The following MYLK variants were observed in gnomAD, a reference collection of about 807,000 sequenced individuals.
MYLK encodes the protein myosin light chain kinase, smooth muscle.
In MYLK, 106 loss-of-function variants were observed where a neutral mutation model predicts 203.4. The observed-to-expected ratio is 0.52, with a 90% CI of 0.45 to 0.61. The LOEUF (loss-of-function observed/expected upper bound fraction) is 0.61, where lower values mean the gene tolerates loss of function less well. MYLK is among the 20% of genes least tolerant of loss of function. The pLI is 0.00. For missense variants in MYLK, 2,072 were observed against 2,442.3 expected (o/e 0.85, Z 3.20); for synonymous variants, 867 against 959.5 (o/e 0.90, Z 1.78).
intron 19 of MYLK, chr3:123,692,368 C>T: frequency 1.7e-6 from 2 of 1,176,918 alleles, no homozygotes; most frequent in Non-Finnish European, 2.1e-6. Context: ...CCAGCTCGGA[C>T]ACTTGTTTGT....
chr3:123,833,979 TC>T (rs1432239239), intron 2 of MYLK, among the ~76,000 whole-genome samples: 1 of 152,182 alleles, frequency 6.6e-6, no homozygotes. Flanking sequence ...AATGGACAAT[TC>T]TACCAATAGG....
Position 123,700,664 on chromosome 3 carries a change from G to A in MYLK, c.2804C>T (p.Pro935Leu), listed in dbSNP as rs1359230351. Residue 935 changes from proline (P) to leucine (L), a missense_variant, in exon 18 of 34, where the codon CCA becomes CTA. By Grantham distance (98) the Pro-to-Leu change is moderately conservative. This residue lies in a region of MYLK where 865 missense variants were observed against 1,016.0 expected (regional missense o/e 0.85). Coordinates refer to ENST00000360304, the MANE Select transcript of MYLK (RefSeq NM_053025.4). ...CCTCTCTTCCTCAGACACAGTCTTT[G>A]GCTTCACTTGCCGCTGCAGGTTGGC... ...FRANLQRQVK[P>L]KTVSEEERKV... 6.8e-6 allele frequency: 11 copies of A among 1,614,130 alleles called. No individual in the cohort carries two copies. The highest frequency in any genetic ancestry group is 8.5e-6 in the Non-Finnish European group (10 of 1,180,038).
chr3:123,701,075 G>A lies in MYLK; in HGVS notation c.2463-70C>T. ...GGCTGGGTAAGAAAGAAACTTCAGGGGAGAGCAAATCCCTGAGGGTGGGAG... is the reference window on the plus strand; with the variant it reads ...GGCTGGGTAAGAAAGAAACTTCAGGAGAGAGCAAATCCCTGAGGGTGGGAG... On this transcript the variant is annotated intron_variant, in intron 17 of 33. Coordinates refer to ENST00000360304, the MANE Select transcript of MYLK (RefSeq NM_053025.4). The A allele has an allele frequency of 2.5e-6, 4 of 1,575,180 alleles. No individual in the cohort carries two copies. In the South Asian group the frequency reaches 4.5e-5, roughly 18 times the overall value.
Position 123,699,921 on chromosome 3 carries a change from T to G in MYLK, c.3448+99A>C. ...TGCTAAACCAGGTTAGCAGCCTACC[T>G]ATGGGCTGCTAACAGGGGTCAGCGA... is the stretch of plus-strand genomic sequence containing the variant. On this transcript the variant is annotated intron_variant, in intron 18 of 33. Transcript: ENST00000360304. 9 of 1,517,394 alleles carry G rather than the reference T, an allele frequency of 5.9e-6. 1 individual carries two copies. The South Asian group carries it at 1.0e-4, about 18-fold the overall frequency. The allele number at this position is 1,517,394 out of a possible 1,614,324, so 94.0% of individuals were successfully genotyped here. A position where few individuals can be genotyped will look rare whatever the true frequency, so the allele number is the denominator to read the frequency against.
At chr3:123,827,953 A>C (rs961911210) in intron 3 of MYLK, among the ~76,000 whole-genome samples, 1 of 151,716 alleles carries the variant, frequency 6.6e-6, no homozygotes, top group Non-Finnish European at 1.5e-5. Context: ...CCTCTACAAG[A>C]AAAACTACAA....
chr3:123,840,864 T>C (rs2066575231), intron 2 of MYLK, among the ~76,000 whole-genome samples: 1 of 152,054 alleles, frequency 6.6e-6, no homozygotes, highest in African/African-American at 2.4e-5. Flanking sequence ...CATTCATGGT[T>C]CTGGGCAACT....
intron 3 of MYLK, among the ~76,000 whole-genome samples, chr3:123,794,862 C>T (rs911826735): frequency 2.0e-5 from 3 of 152,116 alleles, no homozygotes; most frequent in African/African-American, 7.2e-5. Flanking sequence ...GTATCAAGCA[C>T]TTTTTATATT....
chr3:123,749,789 C>T (rs1002794345), intron 5 of MYLK, among the ~76,000 whole-genome samples: 1 of 152,176 alleles, frequency 6.6e-6, no homozygotes, highest in Non-Finnish European at 1.5e-5. Context: ...GTTAATTTCT[C>T]CATAGTTAGA....
At chr3:123,736,505 G>A (rs1466844125) in intron 8 of MYLK, among the ~76,000 whole-genome samples, 3 of 152,108 alleles carry the variant, frequency 2.0e-5, no homozygotes, top group Admixed American at 6.5e-5. Context: ...TCCTCAGCCC[G>A]GACTTGAGGA....
intron 3 of MYLK, among the ~76,000 whole-genome samples, chr3:123,795,804 T>C (rs1307115540): frequency 6.6e-6 from 1 of 152,252 alleles, no homozygotes; most frequent in Admixed American, 6.5e-5. Flanking sequence ...AGATTTGCTT[T>C]TCTGTTCATT....
chr3:123,667,335 C>T, intron 20 of MYLK, 148 bp from the exon 21 acceptor site: 1 of 811,266 alleles, frequency 1.2e-6, no homozygotes, highest in South Asian at 1.5e-5. Context: ...AGCACGGTGG[C>T]TCACACCTGT....
rs577751591 is a variant in MYLK at position 123,722,581 on chromosome 3, A to G, written c.1652-301T>C. On this transcript the variant is annotated intron_variant, in intron 12 of 33. Transcript: ENST00000360304. ...GGAGGAATTAAAAATGCAGGAGGGA[A>G]AGGGACAGAGTTTTGGGCATTCTGT... Among the ~76,000 whole-genome samples the G allele has an allele frequency of 6.1e-4, 93 of 152,134 alleles. No homozygotes were observed. The South Asian group carries it at 7.5e-3, about 12-fold the overall frequency.
chr3:123,766,223 ACT>A (rs1314891213), intron 4 of MYLK, among the ~76,000 whole-genome samples: 12 of 152,178 alleles, frequency 7.9e-5, no homozygotes, highest in African/African-American at 2.9e-4. Context: ...GACCAAAGCC[ACT>A]CTCTGTTTTG....
chr3:123,864,469 T>C (rs112806301), intron 2 of MYLK, among the ~76,000 whole-genome samples: 148 of 152,240 alleles, frequency 9.7e-4, no homozygotes, highest in African/African-American at 3.3e-3. Context: ...AAAAACAAGA[T>C]GGACTGATTG....
intron 6 of MYLK, 31 bp downstream of exon 6, chr3:123,739,922 C>T: frequency 6.2e-7 from 1 of 1,613,102 alleles, no homozygotes; most frequent in Middle Eastern, 1.7e-4. Context: ...GCAATCCAAC[C>T]CTTACTCTGT....
chr3:123,738,836 T>C, intron 7 of MYLK, 61 bp downstream of exon 7: 1 of 1,561,828 alleles, frequency 6.4e-7, no homozygotes, highest in South Asian at 1.2e-5. Flanking sequence ...GTATGTCTAT[T>C]AGCAGCATGA....
intron 3 of MYLK, among the ~76,000 whole-genome samples, chr3:123,811,783 G>A (rs2065570194): frequency 6.6e-6 from 1 of 152,138 alleles, no homozygotes; most frequent in African/African-American, 2.4e-5. Context: ...AAGCAATTTA[G>A]GTAAGCTTCT....
At chr3:123,796,051 G>A (rs2064974219) in intron 3 of MYLK, among the ~76,000 whole-genome samples, 1 of 152,146 alleles carries the variant, frequency 6.6e-6, no homozygotes, top group Non-Finnish European at 1.5e-5. Context: ...TCACTGATAA[G>A]ATATTAGCTT....
At chr3:123,680,794 C>G (rs2060236431) in intron 20 of MYLK, among the ~76,000 whole-genome samples, 1 of 152,180 alleles carries the variant, frequency 6.6e-6, no homozygotes, top group African/African-American at 2.4e-5. Flanking sequence ...TTATTTTCCC[C>G]TATCAGTACG....
Sources: allele counts gnomAD v4.1 joint callset (sites outside exome capture counted in the v4.1 genomes callset), GRCh38; gene constraint gnomAD v4.1.1; regional missense constraint gnomAD v4.1.1; transcripts MANE v1.5; gene names NCBI Gene and HGNC (gene_info 2026-07-23, HGNC 2026-07-21).